SCHIP1: variants seen among roughly 807,000 people sequenced by gnomAD.
SCHIP1 encodes schwannomin interacting protein 1, also known as schwannomin-interacting protein 1.
A neutral mutation model predicts 29.7 loss-of-function variants in SCHIP1; 8 were observed. The ratio of observed to expected loss-of-function variants is 0.27; its 90% CI spans 0.16 to 0.49. The LOEUF is 0.49. Ranked by LOEUF, SCHIP1 falls within the 20% of genes least tolerant of loss-of-function variation. SCHIP1 has a pLI of 0.99. For missense variants in SCHIP1, 193 were observed against 294.6 expected (o/e 0.66, Z 2.52); for synonymous variants, 76 against 94.9 (o/e 0.80, Z 1.16).
the SCHIP1 span, among the ~76,000 whole-genome samples, chr3:159,818,267 T>C: frequency 6.6e-6 from 1 of 152,220 alleles, no homozygotes; most frequent in Non-Finnish European, 1.5e-5. Context: ...GCTAAAGTTC[T>C]GGGGAGAGAA....
At chr3:159,526,132 C>T in the SCHIP1 span, among the ~76,000 whole-genome samples, 2 of 152,154 alleles carry the variant, frequency 1.3e-5, no homozygotes, top group South Asian at 2.1e-4. Context: ...ATACTTCCCA[C>T]TTTTCTCTCT....
At chr3:159,612,735 G>A in the SCHIP1 span, among the ~76,000 whole-genome samples, 2 of 152,192 alleles carry the variant, frequency 1.3e-5, no homozygotes, top group African/African-American at 2.4e-5. Flanking sequence ...TGACAAGAGC[G>A]AGACTGTGTC....
the SCHIP1 span, among the ~76,000 whole-genome samples, chr3:159,531,870 A>G: frequency 6.6e-6 from 1 of 152,238 alleles, no homozygotes; most frequent in South Asian, 2.1e-4. Flanking sequence ...AGCCTCATAA[A>G]TGATGTAAAT....
At chr3:159,305,006 C>CT in the SCHIP1 span, among the ~76,000 whole-genome samples, 4 of 152,140 alleles carry the variant, frequency 2.6e-5, no homozygotes, top group African/African-American at 7.2e-5. Flanking sequence ...CTCTTCTTCC[C>CT]ATTTTTTTTC....
chr3:159,652,344 G>A, the SCHIP1 span, among the ~76,000 whole-genome samples: 2 of 152,058 alleles, frequency 1.3e-5, no homozygotes, highest in Non-Finnish European at 2.9e-5. Context: ...CATATTTAAT[G>A]TAGTGTTAGA....
chr3:159,834,574 G>T, the SCHIP1 span, among the ~76,000 whole-genome samples: 1 of 152,132 alleles, frequency 6.6e-6, no homozygotes, highest in Non-Finnish European at 1.5e-5. Context: ...AAGGTTTATT[G>T]TCTGTAGATG....
chr3:159,757,254 A>G, the SCHIP1 span, among the ~76,000 whole-genome samples: 1 of 152,256 alleles, frequency 6.6e-6, no homozygotes, highest in Non-Finnish European at 1.5e-5. Flanking sequence ...AGGCCTCACA[A>G]TCATGGTGGA....
the SCHIP1 span, among the ~76,000 whole-genome samples, chr3:159,667,563 G>A: frequency 6.6e-6 from 1 of 152,168 alleles, no homozygotes. Context: ...GCTGACACAG[G>A]TAGTGGGCAT....
the SCHIP1 span, among the ~76,000 whole-genome samples, chr3:159,358,099 CT>C: frequency 6.6e-6 from 1 of 152,188 alleles, no homozygotes; most frequent in Non-Finnish European, 1.5e-5. Context: ...TTAGAAGGCA[CT>C]TGGTTTAGTG....
chr3:159,280,197 T>C, the SCHIP1 span, among the ~76,000 whole-genome samples: 1 of 152,362 alleles, frequency 6.6e-6, no homozygotes, highest in South Asian at 2.1e-4. Flanking sequence ...GATCTTCTGA[T>C]GACCATGGTG....
the SCHIP1 span, among the ~76,000 whole-genome samples, chr3:159,796,202 G>A: frequency 1.3e-5 from 2 of 152,194 alleles, no homozygotes; most frequent in African/African-American, 4.8e-5. Context: ...GGTGTCTGAT[G>A]GTGGTGAGAA....
the SCHIP1 span, among the ~76,000 whole-genome samples, chr3:159,580,451 G>A: frequency 5.4e-4 from 82 of 152,312 alleles, no homozygotes; most frequent in African/African-American, 1.8e-3. Context: ...CAGTGCATGC[G>A]TGAGGCATGA....
At chr3:159,397,982 G>A in the SCHIP1 span, among the ~76,000 whole-genome samples, 12 of 152,264 alleles carry the variant, frequency 7.9e-5, no homozygotes, top group Middle Eastern at 3.4e-3. Context: ...GCGAGACTCC[G>A]TGGGTGCAGG....
At chr3:159,743,064 A>G in the SCHIP1 span, among the ~76,000 whole-genome samples, 2 of 152,090 alleles carry the variant, frequency 1.3e-5, no homozygotes, top group African/African-American at 2.4e-5. Flanking sequence ...TAACTGCTGT[A>G]ACTGTAAAAG....
the SCHIP1 span, among the ~76,000 whole-genome samples, chr3:159,831,306 G>A: frequency 1.3e-5 from 2 of 152,076 alleles, no homozygotes; most frequent in African/African-American, 4.8e-5. Flanking sequence ...CTACACACTT[G>A]ATCTAGGCTT....
the SCHIP1 span, among the ~76,000 whole-genome samples, chr3:159,453,611 GAGGTTCA>G: frequency 6.6e-6 from 1 of 152,050 alleles, no homozygotes; most frequent in Non-Finnish European, 1.5e-5. Flanking sequence ...GCCTATCTTT[GAGGTTCA>G]CCATCATAAT....
the SCHIP1 span, among the ~76,000 whole-genome samples, chr3:159,406,134 C>T: frequency 6.6e-6 from 1 of 151,382 alleles, no homozygotes; most frequent in Non-Finnish European, 1.5e-5. Context: ...TATAGAACAG[C>T]AAACAGATTT....
chr3:159,703,912 C>A, the SCHIP1 span, among the ~76,000 whole-genome samples: 24 of 152,284 alleles, frequency 1.6e-4, no homozygotes, highest in African/African-American at 5.8e-4. Context: ...CCTCTCATCC[C>A]CACAATTAAA....
the SCHIP1 span, among the ~76,000 whole-genome samples, chr3:159,589,091 C>A: frequency 1.3e-5 from 2 of 152,134 alleles, no homozygotes; most frequent in Admixed American, 1.3e-4. Context: ...TTCTTCCTAC[C>A]CATGAGCATG....
Sources: gnomAD v4.1 joint callset for allele counts (sites outside exome capture counted in the v4.1 genomes callset) on GRCh38, gnomAD v4.1.1 for gene constraint, MANE v1.5 for transcripts, NCBI Gene and HGNC (gene_info 2026-07-23, HGNC 2026-07-21) for gene names.